NRXN3: variants seen among roughly 807,000 people sequenced by gnomAD.
The protein encoded by NRXN3 is neurexin 3.
A neutral mutation model predicts 137.6 loss-of-function variants in NRXN3; 32 were observed. That is an observed-to-expected ratio of 0.23 (90% CI 0.18 to 0.31). The LOEUF (loss-of-function observed/expected upper bound fraction) is 0.31, where lower values mean the gene tolerates loss of function less well. Among genes scored for constraint, NRXN3 ranks in the 10% least tolerant of loss-of-function variants. NRXN3 has a pLI of 1.00. For missense variants in NRXN3, 1,574 were observed against 2,062.5 expected (o/e 0.76, Z 4.59); for synonymous variants, 798 against 784.5 (o/e 1.02, Z -0.29).
chr14:79,680,359 T>A (rs550005254), intron 17 of NRXN3, among the ~76,000 whole-genome samples: 1 of 152,010 alleles, frequency 6.6e-6, no homozygotes, highest in Non-Finnish European at 1.5e-5. Context: ...TACTCCAGCC[T>A]GGGCGATGAG....
At chr14:79,606,299 G>A (rs181582493) in intron 16 of NRXN3, among the ~76,000 whole-genome samples, 1 of 152,240 alleles carries the variant, frequency 6.6e-6, no homozygotes, top group Admixed American at 6.5e-5. Context: ...ATAAACCGTG[G>A]TTCTTTGCTT....
intron 3 of NRXN3, among the ~76,000 whole-genome samples, chr14:78,293,854 T>G (rs571642062): frequency 6.7e-6 from 1 of 149,288 alleles, no homozygotes; most frequent in Non-Finnish European, 1.5e-5. Flanking sequence ...ATTCATTCCT[T>G]TATTTGTATA....
chr14:78,456,669 T>G (rs1478913126), intron 4 of NRXN3, among the ~76,000 whole-genome samples: 2 of 152,120 alleles, frequency 1.3e-5, no homozygotes, highest in Non-Finnish European at 2.9e-5. Context: ...ATCACCTTCT[T>G]ATTCTGTTCC....
At chr14:78,323,280 A>G (rs2079624239) in intron 4 of NRXN3, among the ~76,000 whole-genome samples, 1 of 152,008 alleles carries the variant, frequency 6.6e-6, no homozygotes, top group Non-Finnish European at 1.5e-5. Flanking sequence ...CAGAGGAGGA[A>G]CAGTAACACA....
At chr14:79,855,166 G>A (rs542473970) in intron 20 of NRXN3, among the ~76,000 whole-genome samples, 1 of 152,228 alleles carries the variant, frequency 6.6e-6, no homozygotes, top group South Asian at 2.1e-4. Context: ...TATTTCAGGT[G>A]GGTACCATCA....
chr14:78,885,284 C>T (rs154316), intron 10 of NRXN3, among the ~76,000 whole-genome samples: 30,656 of 150,854 alleles, frequency 0.2, 5,565 homozygotes, highest in African/African-American at 0.49. Context: ...AATGTGGTTA[C>T]AATTTTTAGA....
At chr14:78,915,170 A>G (rs1304868710) in intron 10 of NRXN3, among the ~76,000 whole-genome samples, 1 of 152,038 alleles carries the variant, frequency 6.6e-6, no homozygotes, top group Non-Finnish European at 1.5e-5. Flanking sequence ...GTGCGTGTGT[A>G]GATAATTAAA....
At chr14:78,660,276 T>TATATATATATATATATA (rs1566997203) in intron 6 of NRXN3, among the ~76,000 whole-genome samples, 8 of 150,224 alleles carry the variant, frequency 5.3e-5, no homozygotes, top group East Asian at 1.9e-4. Context: ...TATATATATA[T>TATATATATATATATATA]TTGGCAACTG....
chr14:78,400,477 A>G (rs986934446), intron 4 of NRXN3, among the ~76,000 whole-genome samples: 4 of 152,190 alleles, frequency 2.6e-5, no homozygotes, highest in Non-Finnish European at 4.4e-5. Context: ...TTAACTCCCA[A>G]GTATTTAGTT....
chr14:78,704,472 C>A (rs2098325117), intron 6 of NRXN3, among the ~76,000 whole-genome samples: 1 of 152,128 alleles, frequency 6.6e-6, no homozygotes, highest in African/African-American at 2.4e-5. Context: ...CATACAGAAA[C>A]CTTTGAGGTG....
At chr14:79,735,920 A>G (rs1306445044) in intron 19 of NRXN3, among the ~76,000 whole-genome samples, 1 of 152,240 alleles carries the variant, frequency 6.6e-6, no homozygotes, top group East Asian at 1.9e-4. Flanking sequence ...TTAGTCACAC[A>G]TAATTGGTAA....
At chr14:78,798,756 C>T (rs908782258) in intron 8 of NRXN3, among the ~76,000 whole-genome samples, 3 of 152,224 alleles carry the variant, frequency 2.0e-5, no homozygotes, top group Admixed American at 6.5e-5. Context: ...GTGGAGGCTC[C>T]CAAACCTCAG....
At chr14:79,729,648 G>C (rs1489986401) in intron 19 of NRXN3, among the ~76,000 whole-genome samples, 1 of 152,198 alleles carries the variant, frequency 6.6e-6, no homozygotes, top group Non-Finnish European at 1.5e-5. Flanking sequence ...AAGGAGGTGT[G>C]CTGTGTAGTC....
At chr14:79,770,967 C>A (rs925752752) in intron 19 of NRXN3, among the ~76,000 whole-genome samples, 58 of 152,140 alleles carry the variant, frequency 3.8e-4, no homozygotes, top group African/African-American at 1.4e-3. Flanking sequence ...CACAGAAATA[C>A]AAACTACCAT....
intron 15 of NRXN3, among the ~76,000 whole-genome samples, chr14:79,041,985 A>G (rs377123679): frequency 3.3e-5 from 5 of 152,332 alleles, no homozygotes; most frequent in African/African-American, 1.2e-4. Flanking sequence ...CTGGAGAGAA[A>G]AGCAAAAGGA....
intron 10 of NRXN3, among the ~76,000 whole-genome samples, chr14:78,851,436 T>C (rs1009751586): frequency 6.6e-6 from 1 of 152,188 alleles, no homozygotes. Context: ...GTAAAGGCTG[T>C]GTTAGAGAGT....
chr14:78,715,276 G>A, intron 8 of NRXN3, 137 bp downstream of exon 8: 1 of 1,097,326 alleles, frequency 9.1e-7, no homozygotes, highest in South Asian at 1.6e-5. Flanking sequence ...CTGATTTCCA[G>A]ATTGCACCCT....
intron 6 of NRXN3, among the ~76,000 whole-genome samples, chr14:78,663,259 A>G (rs1006472278): frequency 6.6e-6 from 1 of 152,200 alleles, no homozygotes; most frequent in Non-Finnish European, 1.5e-5. Context: ...GTTTAAACTT[A>G]CTGTAAGGAA....
At chr14:78,992,746 C>T (rs961468909) in intron 15 of NRXN3, among the ~76,000 whole-genome samples, 1 of 152,184 alleles carries the variant, frequency 6.6e-6, no homozygotes, top group South Asian at 2.1e-4. Flanking sequence ...ACATTGTTGG[C>T]TTTTACCATG....
Sources: allele counts gnomAD v4.1 joint callset (sites outside exome capture counted in the v4.1 genomes callset), GRCh38; gene constraint gnomAD v4.1.1; transcripts MANE v1.5; gene names NCBI Gene and HGNC (gene_info 2026-07-23, HGNC 2026-07-21).